CECR2: variants seen among roughly 807,000 people sequenced by gnomAD.
The protein encoded by CECR2 is chromatin remodeling regulator CECR2.
A neutral mutation model predicts 154.5 loss-of-function variants in CECR2; 30 were observed. The ratio of observed to expected loss-of-function variants is 0.19; its 90% CI spans 0.15 to 0.26. The LOEUF (loss-of-function observed/expected upper bound fraction) is 0.26, where lower values mean the gene tolerates loss of function less well. Among genes scored for constraint, CECR2 ranks in the 10% least tolerant of loss-of-function variants. The probability of loss-of-function intolerance (pLI) is 1.00; values close to 1 mark genes in which losing one functional copy is unlikely to be tolerated. For missense variants in CECR2, 1,743 were observed against 1,829.3 expected (o/e 0.95, Z 0.86); for synonymous variants, 725 against 683.7 (o/e 1.06, Z -0.94).
Position 17,540,798 on chromosome 22 carries a change from A to T in CECR2, c.1882A>T (p.Met628Leu). Residue 628 changes from methionine to leucine, a missense_variant and splice_region_variant, in exon 14 of 19, where the codon ATG becomes TTG. Met to Leu is a conservative substitution (Grantham distance 15). This residue lies in a region of CECR2 where 1,250 missense variants were observed against 1,192.1 expected (regional missense o/e 1.05). Coordinates refer to ENST00000262608, the MANE Select transcript of CECR2 (RefSeq NM_001290047.2). ...TPSQAPFLNQ[M>L]RPAVPGTFGP... is the part of the protein sequence containing the mutation. Reference sequence around the variant, plus strand: ...CAGCCAGGCACCCTTTTTAAACCAGATGGTAAGGAATAGAGTGGAGACTGT... The same window carrying T: ...CAGCCAGGCACCCTTTTTAAACCAGTTGGTAAGGAATAGAGTGGAGACTGT... The T allele has an allele frequency of 6.4e-7, 1 of 1,563,642 alleles. No homozygotes were observed. The highest frequency in any genetic ancestry group is 8.7e-7 in the Non-Finnish European group (1 of 1,154,460).
intron 1 of CECR2, among the ~76,000 whole-genome samples, chr22:17,389,691 G>A (rs562877382): frequency 7.1e-4 from 108 of 152,066 alleles, no homozygotes; most frequent in Admixed American, 2.5e-3. Context: ...TCAGTGGCAC[G>A]ATCTTGGCTC....
At position 17,552,072 on chromosome 22, in the gene CECR2, A is replaced by AGAC; in HGVS notation, c.4320_4322dup (p.Thr1441dup). ...GTCCAGTCGCAGGCCTCGTTCCCAA[A>AGAC]GACCCCCACAGCAGCAACATCACAG... On this transcript the variant is annotated inframe_insertion, in exon 18 of 19. Coordinates refer to ENST00000262608, the MANE Select transcript of CECR2 (RefSeq NM_001290047.2). 1 of 1,614,012 alleles carries AGAC rather than the reference A, an allele frequency of 6.2e-7. No homozygotes were observed. Among genetic ancestry groups the AGAC allele is most frequent in the Non-Finnish European group, 8.5e-7 (1 of 1,179,900 alleles).
chr22:17,476,345 A>G (rs1189522276), intron 1 of CECR2, among the ~76,000 whole-genome samples: 8 of 151,754 alleles, frequency 5.3e-5, no homozygotes, highest in East Asian at 1.9e-4. Flanking sequence ...TTTCACTGCA[A>G]TCTCTGCCTC....
Position 17,447,619 on chromosome 22 carries a change from A to T in CECR2, c.127-29969A>T, listed in dbSNP as rs144533555. On this transcript the variant is annotated intron_variant, in intron 1 of 18. Transcript: ENST00000262608. ...TAGGAGTAATAAATAAAATAAAATC[A>T]CATATTATGCCTGAGTCCCATGCCC... Among the ~76,000 whole-genome samples the T allele has an allele frequency of 3.8e-3, 568 of 150,710 alleles. 2 individuals carry two copies. The highest frequency in any genetic ancestry group is 0.013 in the African/African-American group (550 of 40,874).
intron 2 of CECR2, among the ~76,000 whole-genome samples, chr22:17,493,156 G>A (rs887558483): frequency 1.3e-5 from 2 of 151,982 alleles, no homozygotes; most frequent in Non-Finnish European, 1.5e-5. Context: ...ATTTTTAGTA[G>A]AGACAGGCTT....
At chr22:17,443,974 C>T (rs2054620877) in intron 1 of CECR2, among the ~76,000 whole-genome samples, 1 of 152,170 alleles carries the variant, frequency 6.6e-6, no homozygotes, top group African/African-American at 2.4e-5. Flanking sequence ...TTAGATAGTT[C>T]ACCACCTTTT....
intron 5 of CECR2, among the ~76,000 whole-genome samples, 152 bp downstream of exon 5, chr22:17,500,887 C>T (rs573420509): frequency 2.6e-5 from 4 of 152,168 alleles, no homozygotes; most frequent in Non-Finnish European, 5.9e-5. Flanking sequence ...ATGTGCAGTA[C>T]AGTCAGGAAG....
At chr22:17,364,658 A>C (rs2062992638), upstream of CECR2, among the ~76,000 whole-genome samples, 1 of 152,070 alleles carries the variant, frequency 6.6e-6, no homozygotes, top group Non-Finnish European at 1.5e-5. Flanking sequence ...AGCCTGGCCA[A>C]TATGGTGAAA....
rs141149963 is a variant in CECR2 at position 17,375,203 on chromosome 22, T to C, written c.126+5294T>C. On this transcript the variant is annotated intron_variant, in intron 1 of 18. Coordinates refer to ENST00000262608, the MANE Select transcript of CECR2 (RefSeq NM_001290047.2). ...ATCTCGGCTCACTGCAACCTCCACC[T>C]CCTGGGTTCAAGCGATTCTCCTGCC... 2.4e-4 allele frequency among the ~76,000 whole-genome samples: 36 copies of C among 151,058 alleles called. No individual in the cohort carries two copies. In the East Asian group the frequency reaches 6.5e-3, roughly 27 times the overall value.
At chr22:17,479,962 T>C (rs985656979) in intron 2 of CECR2, among the ~76,000 whole-genome samples, 1 of 151,914 alleles carries the variant, frequency 6.6e-6, no homozygotes, top group African/African-American at 2.4e-5. Context: ...ACAAGGTCTG[T>C]GTTCCCTGGC....
At chr22:17,381,260 C>T (rs1279128644) in intron 1 of CECR2, among the ~76,000 whole-genome samples, 1 of 152,154 alleles carries the variant, frequency 6.6e-6, no homozygotes, top group Non-Finnish European at 1.5e-5. Context: ...AGACTTTCCC[C>T]CCATTTTCCT....
intron 1 of CECR2, among the ~76,000 whole-genome samples, chr22:17,411,032 C>T (rs1340796381): frequency 6.6e-6 from 1 of 152,152 alleles, no homozygotes; most frequent in African/African-American, 2.4e-5. Flanking sequence ...TAATAGGAAG[C>T]CCAAGACTTA....
At chr22:17,473,049 G>T (rs1328329528) in intron 1 of CECR2, among the ~76,000 whole-genome samples, 1 of 152,122 alleles carries the variant, frequency 6.6e-6, no homozygotes, top group Non-Finnish European at 1.5e-5. Context: ...CGGCTCGAAG[G>T]ATTTGTCGTT....
chr22:17,556,501 CCCAGTGTTGCAGTCA>C lies in CECR2; in HGVS notation c.*3665_*3679del, dbSNP rs1403916747. The C allele has an allele frequency of 2.0e-5, 3 of 152,124 alleles. No individual in the cohort carries two copies. Among genetic ancestry groups the C allele is most frequent in the Non-Finnish European group, 4.4e-5 (3 of 68,032 alleles). The allele number at this position is 152,124 out of a possible 1,614,324, so 9.4% of individuals were successfully genotyped here. On this transcript the variant is annotated 3_prime_UTR_variant, in exon 19 of 19. Coordinates refer to ENST00000262608, the MANE Select transcript of CECR2 (RefSeq NM_001290047.2). The stretch of plus-strand genomic sequence containing the variant: ...AGATGCCATCCCAGGCCCACAAAAT[CCCAGTGTTGCAGTCA>C]CCACAGCTGTCAGAAACAAGTTTGC...
chr22:17,511,892 A>G lies in CECR2; in HGVS notation c.950A>G (p.Gln317Arg). ...SDHLSIKPVKQEETPVLTRIE... is the reference protein window; with the variant it reads ...SDHLSIKPVKREETPVLTRIE... ...CACCTGTCCATCAAACCCGTCAAGC[A>G]AGAGGTGAGTGTGGGTGAGAGTAGC... is the stretch of plus-strand genomic sequence containing the variant. Residue 317 changes from glutamine (Q) to arginine (R), a missense_variant, in exon 8 of 19, where the codon CAA becomes CGA. Around this residue, in one of 4 missense-constraint regions of CECR2, gnomAD observed 292 missense variants for 301.2 expected, o/e 0.97. Transcript: ENST00000262608. The G allele has an allele frequency of 2.5e-6, 4 of 1,611,458 alleles. No homozygotes were observed. The highest frequency in any genetic ancestry group is 2.2e-5 in the East Asian group (1 of 44,836).
At chr22:17,365,386 G>T (rs1415455630), upstream of CECR2, among the ~76,000 whole-genome samples, 1 of 152,102 alleles carries the variant, frequency 6.6e-6, no homozygotes, top group Admixed American at 6.6e-5. Flanking sequence ...ATTTCCCAAA[G>T]AAACAATGTC....
intron 1 of CECR2, among the ~76,000 whole-genome samples, chr22:17,436,132 A>G (rs2054503410): frequency 6.6e-6 from 1 of 151,854 alleles, no homozygotes; most frequent in Non-Finnish European, 1.5e-5. Context: ...TTAATTTTTT[A>G]TATTTTTAGT....
At chr22:17,368,390 A>G (rs1267093109), upstream of CECR2, among the ~76,000 whole-genome samples, 1 of 152,196 alleles carries the variant, frequency 6.6e-6, no homozygotes, top group African/African-American at 2.4e-5. Context: ...GGACCACCGA[A>G]CTCAGAGGCG....
In CECR2 at chr22:17,553,418, AT is replaced by A. The variant is rs2056738827; in HGVS notation, c.*583del. On this transcript the variant is annotated 3_prime_UTR_variant, in exon 19 of 19. Transcript: ENST00000262608. ...CTGGTGGGCACACAGCACTGGAGTG[AT>A]TTTTATCTGTTTACAATCATGTCAC... is the stretch of plus-strand genomic sequence containing the variant. 2 of 152,396 alleles carry A rather than the reference AT, an allele frequency of 1.3e-5. No individual in the cohort carries two copies. The highest frequency in any genetic ancestry group is 6.6e-5 in the Admixed American group (1 of 15,256). The allele number at this position is 152,396 out of a possible 1,614,324, so 9.4% of individuals were successfully genotyped here.
Sources: gnomAD v4.1 joint callset for allele counts (sites outside exome capture counted in the v4.1 genomes callset) on GRCh38, gnomAD v4.1.1 for gene constraint, gnomAD v4.1.1 regional missense constraint, MANE v1.5 for transcripts, NCBI Gene and HGNC (gene_info 2026-07-23, HGNC 2026-07-21) for gene names.